CIDEA: variants seen among roughly 807,000 people sequenced by gnomAD.
The protein encoded by CIDEA is cell death inducing DFFA like effector a.
A neutral mutation model predicts 18.2 loss-of-function variants in CIDEA; 10 were observed. The observed-to-expected ratio is 0.55, with a 90% CI of 0.34 to 0.93. The LOEUF (loss-of-function observed/expected upper bound fraction) is 0.93, where lower values mean the gene tolerates loss of function less well. CIDEA is among the 40% of genes least tolerant of loss of function. The pLI, the probability that CIDEA is intolerant of heterozygous loss-of-function variation, is 0.02. For missense variants in CIDEA, 309 were observed against 293.1 expected, an observed-to-expected ratio of 1.05 and a Z score of -0.40; for synonymous variants, 128 against 124.8, an observed-to-expected ratio of 1.03 and a Z score of -0.17.
intron 3 of CIDEA, among the ~76,000 whole-genome samples, chr18:12,267,010 C>T (rs1009419461): frequency 1.3e-5 from 2 of 152,134 alleles, no homozygotes; most frequent in South Asian, 2.1e-4. Context: ...CCACCTGCCT[C>T]GGCCTCCCAA....
Position 12,254,511 on chromosome 18 carries a change from T to G in CIDEA, c.38+90T>G, listed in dbSNP as rs530520124. Reference sequence around the variant, plus strand: ...ATTCCCCTGTGCGCCTCTAGTACCGTACCCCGCTCCCTTCAGCCCCCTGCT... The same window carrying G: ...ATTCCCCTGTGCGCCTCTAGTACCGGACCCCGCTCCCTTCAGCCCCCTGCT... On this transcript the variant is annotated intron_variant, in intron 1 of 4. Coordinates refer to ENST00000320477, the MANE Select transcript of CIDEA (RefSeq NM_001279.4). 5 of 1,543,982 alleles carry G rather than the reference T, an allele frequency of 3.2e-6. No homozygotes were observed. The African/African-American group carries it at 5.4e-5, about 17-fold the overall frequency.
intron 3 of CIDEA, among the ~76,000 whole-genome samples, chr18:12,267,052 C>A (rs1229022184): frequency 6.6e-6 from 1 of 152,180 alleles, no homozygotes; most frequent in Non-Finnish European, 1.5e-5. Context: ...AGCCACCGCA[C>A]CCGGCCGATT....
chr18:12,260,849 C>T (rs1464521393), intron 1 of CIDEA, among the ~76,000 whole-genome samples: 2 of 152,180 alleles, frequency 1.3e-5, no homozygotes, highest in Non-Finnish European at 2.9e-5. Context: ...CCCTTTGTTT[C>T]ATTCTCTTGA....
chr18:12,263,034 G>C, intron 2 of CIDEA, 65 bp downstream of exon 2: 2 of 1,543,742 alleles, frequency 1.3e-6, no homozygotes, highest in South Asian at 2.4e-5. Context: ...CAGGGCCATG[G>C]TCTTGGGCTC....
At chr18:12,266,695 ATC>A (rs1208248771) in intron 3 of CIDEA, among the ~76,000 whole-genome samples, 2 of 152,066 alleles carry the variant, frequency 1.3e-5, no homozygotes, top group African/African-American at 4.8e-5. Flanking sequence ...CTGAAATCTA[ATC>A]TCTCTCTCTT....
intron 3 of CIDEA, among the ~76,000 whole-genome samples, chr18:12,267,099 A>G (rs1482961351): frequency 6.6e-5 from 10 of 152,094 alleles, no homozygotes; most frequent in Non-Finnish European, 5.9e-5. Flanking sequence ...ACACTCCTCT[A>G]CTACCACCAA....
At chr18:12,266,726 A>G (rs1286049969) in intron 3 of CIDEA, among the ~76,000 whole-genome samples, 3 of 151,868 alleles carry the variant, frequency 2.0e-5, no homozygotes, top group Non-Finnish European at 4.4e-5. Context: ...TCACGTAGGG[A>G]AGGATTTTTT....
At chr18:12,254,600 C>G (rs748537781) in intron 1 of CIDEA, 179 bp downstream of exon 1, 2 of 1,528,116 alleles carry the variant, frequency 1.3e-6, no homozygotes, top group South Asian at 2.4e-5. Context: ...GGTGCCCAAG[C>G]CGTCCAGCCG....
intron 1 of CIDEA, among the ~76,000 whole-genome samples, chr18:12,256,703 T>C (rs751720787): frequency 3.9e-5 from 6 of 152,232 alleles, no homozygotes; most frequent in African/African-American, 1.4e-4. Context: ...CTAGGTTTTG[T>C]GCTGCTATTT....
At chr18:12,274,062 C>G (rs779641653) in intron 3 of CIDEA, 31 bp from the exon 4 acceptor site, 2 of 1,612,410 alleles carry the variant, frequency 1.2e-6, no homozygotes, top group Non-Finnish European at 1.7e-6. Context: ...AGGAAGGCTC[C>G]TGAAGCCTGC....
chr18:12,271,083 G>A (rs1402759091), intron 3 of CIDEA, among the ~76,000 whole-genome samples: 1 of 151,864 alleles, frequency 6.6e-6, no homozygotes, highest in Non-Finnish European at 1.5e-5. Context: ...ATTATTAGTA[G>A]AGACGGGGTT....
chr18:12,273,407 C>T (rs1912605980), intron 3 of CIDEA, among the ~76,000 whole-genome samples: 1 of 152,194 alleles, frequency 6.6e-6, no homozygotes, highest in Non-Finnish European at 1.5e-5. Context: ...GCTTTGCTCT[C>T]ATATTTTTAA....
intron 1 of CIDEA, among the ~76,000 whole-genome samples, chr18:12,258,046 A>T (rs113671602): frequency 6.6e-6 from 1 of 152,120 alleles, no homozygotes; most frequent in Non-Finnish European, 1.5e-5. Context: ...AATTTGACCC[A>T]GAAATCACTC....
intron 3 of CIDEA, among the ~76,000 whole-genome samples, chr18:12,265,834 G>A (rs1327697995): frequency 1.3e-5 from 2 of 152,166 alleles, no homozygotes; most frequent in African/African-American, 4.8e-5. Context: ...CCACATTCAT[G>A]AGAGTAAGCA....
chr18:12,266,949 T>TG (rs1180765835), intron 3 of CIDEA, among the ~76,000 whole-genome samples: 2 of 152,132 alleles, frequency 1.3e-5, no homozygotes, highest in Non-Finnish European at 2.9e-5. Flanking sequence ...TCAGTAGAGA[T>TG]GGGGTTTCAC....
At chr18:12,264,715 G>T (rs1049583701) in intron 3 of CIDEA, among the ~76,000 whole-genome samples, 5 of 152,014 alleles carry the variant, frequency 3.3e-5, no homozygotes, top group African/African-American at 4.8e-5. Context: ...CACCACGCCT[G>T]GCTAACTTTT....
rs115910392 is a variant in CIDEA at position 12,258,109 on chromosome 18, C to T, written c.38+3688C>T. On this transcript the variant is annotated intron_variant, in intron 1 of 4. Coordinates refer to ENST00000320477, the MANE Select transcript of CIDEA (RefSeq NM_001279.4). Reference sequence around the variant, plus strand: ...GTAAATTTCCTTTCCTCTGTGCCCCCACCAGCCTTTCCTCCAGCAGTGACG... The same window carrying T: ...GTAAATTTCCTTTCCTCTGTGCCCCTACCAGCCTTTCCTCCAGCAGTGACG... 2.4e-3 allele frequency among the ~76,000 whole-genome samples: 365 copies of T among 152,316 alleles called. 2 individuals carry two copies. The highest frequency in any genetic ancestry group is 8.3e-3 in the African/African-American group (344 of 41,572).
At chr18:12,262,628 G>A (rs142011256) in intron 1 of CIDEA, among the ~76,000 whole-genome samples, 197 bp from the exon 2 acceptor site, 64 of 152,316 alleles carry the variant, frequency 4.2e-4, no homozygotes, top group African/African-American at 1.5e-3. Context: ...AAAGATGGAT[G>A]TGTGTTTTGG....
intron 4 of CIDEA, among the ~76,000 whole-genome samples, chr18:12,274,757 C>G (rs957162077): frequency 2.0e-5 from 3 of 152,182 alleles, no homozygotes; most frequent in Admixed American, 6.5e-5. Context: ...ACCGTCATCC[C>G]AAAGACGAAG....
Sources: gnomAD v4.1 joint callset for allele counts (sites outside exome capture counted in the v4.1 genomes callset) on GRCh38, gnomAD v4.1.1 for gene constraint, MANE v1.5 for transcripts, NCBI Gene and HGNC (gene_info 2026-07-23, HGNC 2026-07-21) for gene names.